The following ST3GAL1 variants were observed in gnomAD, a reference collection of about 807,000 sequenced individuals.
The protein encoded by ST3GAL1 is ST3 beta-galactoside alpha-2,3-sialyltransferase 1.
Under a neutral mutation model 34.1 loss-of-function variants are expected in ST3GAL1, and 16 were observed. That is an observed-to-expected ratio of 0.47 (90% CI 0.32 to 0.71). The LOEUF is 0.71. Among genes scored for constraint, ST3GAL1 ranks in the 30% least tolerant of loss-of-function variants. The pLI, the probability that ST3GAL1 is intolerant of heterozygous loss-of-function variation, is 0.04. For missense variants in ST3GAL1, 353 were observed against 447.4 expected, an observed-to-expected ratio of 0.79 and a Z score of 1.90; for synonymous variants, 191 against 184.7, an observed-to-expected ratio of 1.03 and a Z score of -0.28.
intron 6 of ST3GAL1, 170 bp downstream of exon 6, chr8:133,465,724 A>T (rs919188652): frequency 5.8e-5 from 37 of 633,160 alleles, no homozygotes; most frequent in Non-Finnish European, 8.0e-5. Context: ...AATGATGCAG[A>T]GATGGGGAAG....
chr8:133,464,669 G>C, intron 7 of ST3GAL1, 109 bp downstream of exon 7: 1 of 1,256,654 alleles, frequency 8.0e-7, no homozygotes, highest in Non-Finnish European at 1.1e-6. Context: ...AGGAGGCTGG[G>C]GGAGGGGAGG....
Position 133,455,877 on chromosome 8 carries a change from T to C in ST3GAL1, c.*3887A>G, listed in dbSNP as rs192173419. 1.3e-5 allele frequency: 2 copies of C among 152,376 alleles called. No homozygotes were observed. Among genetic ancestry groups the C allele is most frequent in the East Asian group, 3.9e-4 (2 of 5,182 alleles). 9.4% of individuals were successfully genotyped at this position (152,376 alleles called of 1,614,324 possible). ...CAAATGTTCTTTGTGGTTTGAATCC[T>C]GGCAGAGGCCAGGGTCACATCCAAG... is the stretch of plus-strand genomic sequence containing the variant. On this transcript the variant is annotated 3_prime_UTR_variant, in exon 10 of 10. Coordinates refer to ENST00000522652, the MANE Select transcript of ST3GAL1 (RefSeq NM_173344.3).
chr8:133,518,414 CT>C (rs1817706941), intron 2 of ST3GAL1, among the ~76,000 whole-genome samples: 2 of 152,228 alleles, frequency 1.3e-5, no homozygotes, highest in South Asian at 4.1e-4. Context: ...ATTTAGAAAT[CT>C]TAGAAAAGAT....
intron 1 of ST3GAL1, among the ~76,000 whole-genome samples, chr8:133,562,684 G>T (rs1251099281): frequency 6.6e-6 from 1 of 152,106 alleles, no homozygotes; most frequent in East Asian, 1.9e-4. Flanking sequence ...GCACACTAAA[G>T]GCAGGGAAGG....
In ST3GAL1 at chr8:133,485,329, C is replaced by G. The variant is rs539409379; in HGVS notation, c.-373-8729G>C. Among the ~76,000 whole-genome samples, 174 of 152,330 alleles carry G rather than the reference C, an allele frequency of 1.1e-3. 1 individual carries two copies. The highest frequency in any genetic ancestry group is 4.1e-3 in the African/African-American group (170 of 41,566). On this transcript the variant is annotated intron_variant, in intron 3 of 9. Coordinates refer to ENST00000522652, the MANE Select transcript of ST3GAL1 (RefSeq NM_173344.3). Reference sequence around the variant, plus strand: ...TGGTAGAAGCTGCTGTGTAGCTGCCCCAGAATCTGGACTCCAGAACCTGCC... The same window carrying G: ...TGGTAGAAGCTGCTGTGTAGCTGCCGCAGAATCTGGACTCCAGAACCTGCC...
chr8:133,464,699 C>G, intron 7 of ST3GAL1, 79 bp downstream of exon 7: 1 of 1,507,052 alleles, frequency 6.6e-7, no homozygotes. Flanking sequence ...GGAGGCACAG[C>G]AGGACCACGG....
chr8:133,478,532 T>C (rs1180878781), intron 3 of ST3GAL1, among the ~76,000 whole-genome samples: 3 of 152,174 alleles, frequency 2.0e-5, no homozygotes, highest in Non-Finnish European at 2.9e-5. Flanking sequence ...ATAAATCCCC[T>C]TTATGGGGTA....
intron 1 of ST3GAL1, among the ~76,000 whole-genome samples, chr8:133,548,685 G>A (rs918183951): frequency 1.3e-5 from 2 of 152,184 alleles, no homozygotes; most frequent in African/African-American, 4.8e-5. Context: ...AGCACCCTGG[G>A]AGCACACATT....
intron 2 of ST3GAL1, among the ~76,000 whole-genome samples, chr8:133,518,722 T>C (rs553761277): frequency 3.9e-5 from 6 of 152,304 alleles, no homozygotes; most frequent in African/African-American, 1.4e-4. Flanking sequence ...AAAAGCTACA[T>C]TTGCTCAGCA....
At position 133,461,534 on chromosome 8, in the gene ST3GAL1, G is replaced by A. The variant is rs1313358076; in HGVS notation, c.849+341C>T. On this transcript the variant is annotated intron_variant, in intron 9 of 9. Coordinates refer to ENST00000522652, the MANE Select transcript of ST3GAL1 (RefSeq NM_173344.3). The surrounding 1 kb of genome is among the most constrained non-coding windows in gnomAD (Gnocchi z 4.7). ...TTAGACCCACAGATGATTCTAAGGA[G>A]CAAGTGGGATTGAGAACTGTGGCCT... Among the ~76,000 whole-genome samples the A allele has an allele frequency of 1.3e-5, 2 of 152,184 alleles. No individual in the cohort carries two copies. The highest frequency in any genetic ancestry group is 2.4e-5 in the African/African-American group (1 of 41,438).
At chr8:133,505,659 GT>G (rs1408032384) in intron 2 of ST3GAL1, among the ~76,000 whole-genome samples, 1 of 151,738 alleles carries the variant, frequency 6.6e-6, no homozygotes, top group East Asian at 1.9e-4. Context: ...GTGGAGTGCG[GT>G]GGTGCAATCT....
At chr8:133,478,169 C>A (rs1229890575) in intron 3 of ST3GAL1, among the ~76,000 whole-genome samples, 1 of 152,220 alleles carries the variant, frequency 6.6e-6, no homozygotes, top group Non-Finnish European at 1.5e-5. Context: ...ATTCTCTCCC[C>A]ACCTGCCCCC....
chr8:133,544,399 G>T (rs948740850), intron 2 of ST3GAL1, among the ~76,000 whole-genome samples: 1 of 152,134 alleles, frequency 6.6e-6, no homozygotes, highest in African/African-American at 2.4e-5. Context: ...TCTGAGATGT[G>T]GTATGTTCCC....
At chr8:133,503,238 G>GC (rs35189127) in intron 2 of ST3GAL1, among the ~76,000 whole-genome samples, 40,482 of 151,982 alleles carry the variant, frequency 0.27, 5,463 homozygotes, top group East Asian at 0.32. Context: ...GTATTCTAAC[G>GC]CCCCCCAACA....
At chr8:133,506,432 G>A (rs549626216) in intron 2 of ST3GAL1, among the ~76,000 whole-genome samples, 2 of 152,324 alleles carry the variant, frequency 1.3e-5, no homozygotes, top group Admixed American at 6.5e-5. Context: ...GATCTCCTTT[G>A]TATTACAGTG....
chr8:133,509,799 T>A (rs1159315428), intron 2 of ST3GAL1, among the ~76,000 whole-genome samples: 4 of 152,232 alleles, frequency 2.6e-5, no homozygotes, highest in African/African-American at 7.2e-5. Flanking sequence ...GGCTAACGCC[T>A]GTAATCCCAG....
intron 1 of ST3GAL1, among the ~76,000 whole-genome samples, chr8:133,557,959 A>G (rs541944414): frequency 2.4e-4 from 36 of 152,064 alleles, no homozygotes; most frequent in Admixed American, 3.9e-4. Context: ...TCATGGCTAA[A>G]ATCTTAGGTA....
intron 1 of ST3GAL1, among the ~76,000 whole-genome samples, chr8:133,551,004 T>C (rs1474033233): frequency 2.0e-5 from 3 of 152,222 alleles, no homozygotes; most frequent in African/African-American, 7.2e-5. Flanking sequence ...TTCCTCTCCA[T>C]GCAAACAATC....
chr8:133,569,307 A>G (rs1191847542), intron 1 of ST3GAL1, among the ~76,000 whole-genome samples: 1 of 152,216 alleles, frequency 6.6e-6, no homozygotes, highest in Non-Finnish European at 1.5e-5. Context: ...TTCATTCTTT[A>G]TTTAGCAAAA....
Sources: gnomAD v4.1 joint callset for allele counts (sites outside exome capture counted in the v4.1 genomes callset) on GRCh38, gnomAD v4.1.1 for gene constraint, Gnocchi (gnomAD v3.1) non-coding constraint, MANE v1.5 for transcripts, NCBI Gene and HGNC (gene_info 2026-07-23, HGNC 2026-07-21) for gene names.